DCAF5: variants seen among roughly 807,000 people sequenced by gnomAD.
DCAF5 encodes the protein DDB1 and CUL4 associated factor 5, also known as DDB1- and CUL4-associated factor 5.
Under a neutral mutation model 80.7 loss-of-function variants are expected in DCAF5, and 9 were observed. The observed-to-expected ratio is 0.11, with a 90% CI of 0.07 to 0.19. DCAF5 has a LOEUF of 0.19. Ranked by LOEUF, DCAF5 falls within the 10% of genes least tolerant of loss-of-function variation. The pLI, the probability that DCAF5 is intolerant of heterozygous loss-of-function variation, is 1.00. For missense variants in DCAF5, 842 were observed against 1,205.7 expected, an observed-to-expected ratio of 0.70 and a Z score of 4.47; for synonymous variants, 433 against 461.9, an observed-to-expected ratio of 0.94 and a Z score of 0.80.
intron 2 of DCAF5, among the ~76,000 whole-genome samples, chr14:69,121,948 T>C (rs534779259): frequency 1.3e-4 from 20 of 152,266 alleles, no homozygotes; most frequent in African/African-American, 4.3e-4. Context: ...TGTGTGTTTC[T>C]GTGTACCAGA....
At chr14:69,107,531 A>G (rs2040204360) in intron 5 of DCAF5, among the ~76,000 whole-genome samples, 1 of 152,166 alleles carries the variant, frequency 6.6e-6, no homozygotes, top group Non-Finnish European at 1.5e-5. Flanking sequence ...TTTGAGAATC[A>G]CTGGGTTAGG....
At chr14:69,075,516 C>CT in intron 6 of DCAF5, 105 bp from the exon 7 acceptor site, 2 of 623,622 alleles carry the variant, frequency 3.2e-6, no homozygotes, top group Non-Finnish European at 4.5e-6. Flanking sequence ...GAGTCTTGCT[C>CT]TGTTGTCCAG....
chr14:69,126,983 C>T (rs1040445000), intron 1 of DCAF5, among the ~76,000 whole-genome samples: 1 of 152,182 alleles, frequency 6.6e-6, no homozygotes, highest in African/African-American at 2.4e-5. Flanking sequence ...ACCTAGATGA[C>T]ACCAAATGCT....
At chr14:69,062,280 C>T (rs2038244630) in intron 8 of DCAF5, 104 bp downstream of exon 8, 4 of 1,240,896 alleles carry the variant, frequency 3.2e-6, no homozygotes, top group South Asian at 1.5e-5. Context: ...TCTGATAGAC[C>T]TTTAGTATGT....
intron 1 of DCAF5, among the ~76,000 whole-genome samples, chr14:69,133,768 C>T (rs886520539): frequency 1.2e-4 from 18 of 152,264 alleles, no homozygotes; most frequent in African/African-American, 4.3e-4. Context: ...ACAGAAACAT[C>T]CCCATTTTAA....
In DCAF5 at chr14:69,055,096, C is replaced by A. The variant is rs1253653197; in HGVS notation, c.1590G>T (p.Glu530Asp). The A allele has an allele frequency of 5.6e-6, 9 of 1,614,206 alleles. No individual in the cohort carries two copies. Among genetic ancestry groups the A allele is most frequent in the African/African-American group, 1.3e-5 (1 of 75,036 alleles). Reference protein sequence around the residue: ...QDKRLLALSNESDSEENVCEV... With the variant: ...QDKRLLALSNDSDSEENVCEV... ...CACAGACATTCTCCTCAGAATCGGA[C>A]TCATTGGAAAGGGCCAGGAGGCGTT... The change falls in exon 9 of 9, where the codon GAG (glutamate) becomes GAT (aspartate). Residue 530 changes from glutamate (E) to aspartate (D), a missense_variant. Glu to Asp is a conservative substitution (Grantham distance 45). Transcript: ENST00000341516. This position sits in a 1 kb window ranked among gnomAD's most constrained non-coding sequence, Gnocchi z 5.6.
chr14:69,146,552 T>G (rs896898793), intron 1 of DCAF5, among the ~76,000 whole-genome samples: 1 of 152,156 alleles, frequency 6.6e-6, no homozygotes, highest in South Asian at 2.1e-4. Flanking sequence ...TTTTGCTGTA[T>G]TAAGTATAGC....
intron 7 of DCAF5, among the ~76,000 whole-genome samples, chr14:69,075,034 C>CAA (rs372341285): frequency 5.1e-4 from 61 of 119,446 alleles, no homozygotes; most frequent in Admixed American, 1.2e-3. Context: ...AACTTTGTCT[C>CAA]AAAAAAAAAA....
intron 1 of DCAF5, among the ~76,000 whole-genome samples, chr14:69,129,302 C>T (rs1056006734): frequency 6.6e-6 from 1 of 152,322 alleles, no homozygotes; most frequent in African/African-American, 2.4e-5. Flanking sequence ...GCTAAACACA[C>T]CCCCTTACTC....
At chr14:69,084,457 G>A (rs779370581) in intron 6 of DCAF5, 11 of 824,508 alleles carry the variant, frequency 1.3e-5, no homozygotes, top group African/African-American at 5.1e-5. Flanking sequence ...GTAGACAGAC[G>A]ATGCTCTTTT....
chr14:69,089,759 G>A (rs1416909187), intron 6 of DCAF5: 1 of 219,104 alleles, frequency 4.6e-6, no homozygotes, highest in African/African-American at 2.3e-5. Context: ...CCCCCCAGGG[G>A]ACAATGTCTG....
At chr14:69,127,318 C>T (rs1285316310) in intron 1 of DCAF5, among the ~76,000 whole-genome samples, 1 of 151,986 alleles carries the variant, frequency 6.6e-6, no homozygotes, top group Non-Finnish European at 1.5e-5. Context: ...TAAAAAGAAA[C>T]GAAATATCAA....
At chr14:69,068,256 G>C (rs1360346442) in intron 7 of DCAF5, among the ~76,000 whole-genome samples, 1 of 152,192 alleles carries the variant, frequency 6.6e-6, no homozygotes, top group Non-Finnish European at 1.5e-5. Context: ...CTTATCTAAG[G>C]ATACTCAATA....
rs2037877922 is a variant in DCAF5, at chr14:69,054,539, A to G, written c.2147T>C (p.Met716Thr). The G allele has an allele frequency of 6.2e-7, 1 of 1,614,164 alleles. No homozygotes were observed. The highest frequency in any genetic ancestry group is 8.5e-7 in the Non-Finnish European group (1 of 1,180,034). Residue 716 changes from methionine to threonine, a missense_variant, in exon 9 of 9, where the codon ATG becomes ACG. Physicochemically the swap from Met to Thr is moderately conservative, Grantham distance 81 (BLOSUM62 -1). Transcript: ENST00000341516. ...TGGCAGGTCCTGGTTCCTCTGGGCC[A>G]TTGCTATGTTTAGACAGGCTTCCTT... ...SSKEACLNIAMAQRNQDLPPE... is the reference protein window; with the variant it reads ...SSKEACLNIATAQRNQDLPPE...
Position 69,107,649 on chromosome 14 carries a change from A to G in DCAF5, c.665+8717T>C, listed in dbSNP as rs143868385. Among the ~76,000 whole-genome samples, 26 of 152,326 alleles carry G rather than the reference A, an allele frequency of 1.7e-4. No homozygotes were observed. The East Asian group carries it at 5.0e-3, about 29-fold the overall frequency. On this transcript the variant is annotated intron_variant, in intron 5 of 8. Coordinates refer to ENST00000341516, the MANE Select transcript of DCAF5 (RefSeq NM_003861.3). ...ACCAGAATACCTGGCTCTCTGCCAC[A>G]TAACTAATTGACGGTGGCATTCAAA...
rs751809930 is a variant in DCAF5 at position 69,055,261 on chromosome 14, C to T, written c.1425G>A (p.Glu475=). The T allele has an allele frequency of 1.2e-6, 2 of 1,614,214 alleles. No homozygotes were observed. The highest frequency in any genetic ancestry group is 1.7e-6 in the Non-Finnish European group (2 of 1,180,044). ...CCAGGTGGAAGGCGTTGTCGGCAGA[C>T]TCATCTACTGTGGGAGGCGGGGAGC... ...LPRSPPPTVD[E]SADNAFHLGP... is the part of the protein sequence containing the mutation. The change falls in exon 9 of 9, where the codon GAG becomes GAA. Residue 475 remains glutamate, a synonymous_variant. Transcript: ENST00000341516. The surrounding 1 kb of genome is among the most constrained non-coding windows in gnomAD (Gnocchi z 5.6).
At chr14:69,063,027 C>T (rs1359987992) in intron 7 of DCAF5, among the ~76,000 whole-genome samples, 1 of 152,116 alleles carries the variant, frequency 6.6e-6, no homozygotes, top group Non-Finnish European at 1.5e-5. Context: ...AAAACCAAAA[C>T]CACTGGGGGA....
intron 7 of DCAF5, among the ~76,000 whole-genome samples, chr14:69,068,698 CAAAAA>C (rs201955188): frequency 2.9e-5 from 2 of 68,012 alleles, no homozygotes; most frequent in African/African-American, 8.5e-5. Context: ...AACTCCATCT[CAAAAA>C]AAAAAAAAAA....
intron 2 of DCAF5, 34 bp from the exon 3 acceptor site, chr14:69,119,264 G>C (rs558114074): frequency 9.9e-6 from 16 of 1,608,208 alleles, no homozygotes; most frequent in Non-Finnish European, 1.3e-5. Context: ...CTGATCATTC[G>C]TGCAAGGTGG....
Sources: allele counts gnomAD v4.1 joint callset (sites outside exome capture counted in the v4.1 genomes callset), GRCh38; gene constraint gnomAD v4.1.1; non-coding constraint Gnocchi (gnomAD v3.1); transcripts MANE v1.5; gene names NCBI Gene and HGNC (gene_info 2026-07-23, HGNC 2026-07-21).